The following COMMD1 variants were observed in gnomAD, a reference collection of about 807,000 sequenced individuals.
COMMD1 encodes COMM domain-containing protein 1.
Under a neutral mutation model 17.2 loss-of-function variants are expected in COMMD1, and 10 were observed. The observed-to-expected ratio is 0.58, with a 90% confidence interval of 0.36 to 0.99. The LOEUF (loss-of-function observed/expected upper bound fraction) is 0.99. Ranked by LOEUF, COMMD1 falls within the 50% of genes least tolerant of loss-of-function variation. COMMD1 has a pLI of 0.01. For missense variants in COMMD1, 270 were observed against 231.8 expected (o/e 1.17, Z -1.07); for synonymous variants, 97 against 91.6 (o/e 1.06, Z -0.34).
chr2:62,111,020 G>C (rs1025970575), intron 2 of COMMD1, among the ~76,000 whole-genome samples: 19 of 152,156 alleles, frequency 1.2e-4, no homozygotes, highest in Non-Finnish European at 2.6e-4. Flanking sequence ...TATTAATGCA[G>C]ATTTAAGTTT....
At chr2:62,053,848 A>C (rs1020149740) in intron 2 of COMMD1, among the ~76,000 whole-genome samples, 11 of 152,242 alleles carry the variant, frequency 7.2e-5, no homozygotes, top group Non-Finnish European at 1.5e-4. Context: ...AAACAGCCCC[A>C]AAAATAGACA....
At chr2:62,127,462 C>T (rs1055210562) in intron 2 of COMMD1, among the ~76,000 whole-genome samples, 1 of 152,138 alleles carries the variant, frequency 6.6e-6, no homozygotes, top group Admixed American at 6.5e-5. Context: ...TATCATGCTA[C>T]CAGACTTCAA....
chr2:61,931,358 G>A (rs1479433211), intron 1 of COMMD1, among the ~76,000 whole-genome samples: 1 of 152,078 alleles, frequency 6.6e-6, no homozygotes, highest in East Asian at 1.9e-4. Context: ...GGACCACAGA[G>A]ATGGCTTGGG....
chr2:61,930,073 A>G (rs1052340839), intron 1 of COMMD1, among the ~76,000 whole-genome samples: 1 of 152,180 alleles, frequency 6.6e-6, no homozygotes, highest in Non-Finnish European at 1.5e-5. Context: ...GATTTATGAA[A>G]AGTCCAGGTG....
At chr2:61,971,336 C>G (rs1208589456) in intron 1 of COMMD1, among the ~76,000 whole-genome samples, 2 of 152,082 alleles carry the variant, frequency 1.3e-5, no homozygotes, top group African/African-American at 2.4e-5. Context: ...AAACTAATCC[C>G]GGTTGGCTAA....
intron 2 of COMMD1, among the ~76,000 whole-genome samples, chr2:62,006,451 A>G (rs1669125583): frequency 6.6e-6 from 1 of 152,192 alleles, no homozygotes; most frequent in South Asian, 2.1e-4. Flanking sequence ...AGGAAGCCAG[A>G]GTAATAGAAG....
intron 1 of COMMD1, among the ~76,000 whole-genome samples, chr2:61,997,854 C>T (rs913633698): frequency 2.0e-5 from 3 of 152,176 alleles, no homozygotes; most frequent in Non-Finnish European, 2.9e-5. Flanking sequence ...TTTATGAGAA[C>T]TCACAAACAA....
At chr2:61,898,243 A>C (rs1011316718) in intron 1 of COMMD1, among the ~76,000 whole-genome samples, 1 of 152,162 alleles carries the variant, frequency 6.6e-6, no homozygotes, top group African/African-American at 2.4e-5. Flanking sequence ...TGGGAGGTCA[A>C]GGTGGGAGGA....
intron 2 of COMMD1, among the ~76,000 whole-genome samples, chr2:62,006,088 C>T (rs1258707803): frequency 1.1e-4 from 16 of 149,726 alleles, no homozygotes; most frequent in South Asian, 2.1e-4. Context: ...AGTAAACTAT[C>T]GCAAGGACAA....
intron 1 of COMMD1, among the ~76,000 whole-genome samples, chr2:61,896,230 G>A (rs1045867440): frequency 2.0e-5 from 3 of 152,290 alleles, no homozygotes; most frequent in Non-Finnish European, 2.9e-5. Context: ...ATGCAACAGC[G>A]TTGGGAAGTG....
intron 2 of COMMD1, among the ~76,000 whole-genome samples, chr2:62,086,619 C>T (rs1178477718): frequency 6.6e-6 from 1 of 152,026 alleles, no homozygotes; most frequent in Non-Finnish European, 1.5e-5. Flanking sequence ...CCCCTCTCAT[C>T]AAAAATATTT....
chr2:61,921,391 A>G (rs1670193283), intron 1 of COMMD1, among the ~76,000 whole-genome samples: 1 of 152,226 alleles, frequency 6.6e-6, no homozygotes, highest in South Asian at 2.1e-4. Context: ...GAATCTGAAT[A>G]TATACTGTTG....
intron 1 of COMMD1, among the ~76,000 whole-genome samples, chr2:61,964,471 C>T (rs1456978557): frequency 6.6e-6 from 1 of 152,140 alleles, no homozygotes; most frequent in Non-Finnish European, 1.5e-5. Context: ...CATTTGGCCT[C>T]CCAAAGTGCT....
chr2:62,003,586 G>A (rs754777608), intron 2 of COMMD1, among the ~76,000 whole-genome samples: 2 of 139,288 alleles, frequency 1.4e-5, no homozygotes, highest in Non-Finnish European at 3.1e-5. Flanking sequence ...TAACCATTAC[G>A]TTATGTGACA....
intron 2 of COMMD1, among the ~76,000 whole-genome samples, chr2:62,082,010 G>T (rs1203446087): frequency 6.6e-6 from 1 of 151,848 alleles, no homozygotes; most frequent in African/African-American, 2.4e-5. Context: ...CCCTTTTTTG[G>T]TAGTTAGAAA....
intron 2 of COMMD1, among the ~76,000 whole-genome samples, chr2:62,126,861 A>G (rs1033652196): frequency 6.6e-6 from 1 of 152,204 alleles, no homozygotes; most frequent in African/African-American, 2.4e-5. Context: ...TCAACATAGT[A>G]TTGAAAGTTC....
In COMMD1 at chr2:61,899,180, G is replaced by A. The variant is rs150825835; in HGVS notation, n.119+10338G>A. Among the ~76,000 whole-genome samples the A allele has an allele frequency of 3.2e-4, 49 of 152,196 alleles. No individual in the cohort carries two copies. The East Asian group carries it at 9.1e-3, about 28-fold the overall frequency. ...ACATTAAAAAAAATAGGTGCAAGAA[G>A]GGACTCTGATTCTTCCCCTTTTCTT... is the stretch of plus-strand genomic sequence containing the variant. On this transcript the variant is annotated intron_variant and non_coding_transcript_variant, in intron 1 of 2. Coordinates refer to the COMMD1 transcript ENST00000472729.
intron 2 of COMMD1, among the ~76,000 whole-genome samples, chr2:62,056,106 G>C (rs1670693517): frequency 6.6e-6 from 1 of 152,146 alleles, no homozygotes; most frequent in Non-Finnish European, 1.5e-5. Context: ...TGCCATGACT[G>C]GACAGCTTTC....
At chr2:62,081,361 C>A (rs1019509337) in intron 2 of COMMD1, among the ~76,000 whole-genome samples, 1 of 151,710 alleles carries the variant, frequency 6.6e-6, no homozygotes, top group Non-Finnish European at 1.5e-5. Flanking sequence ...AAGCAATTCT[C>A]CTGCCTCAGC....
Sources: gnomAD v4.1 joint callset for allele counts (sites outside exome capture counted in the v4.1 genomes callset) on GRCh38, gnomAD v4.1.1 for gene constraint, MANE v1.5 for transcripts, NCBI Gene and HGNC (gene_info 2026-07-23, HGNC 2026-07-21) for gene names.